PTPRD: variants seen among roughly 807,000 people sequenced by gnomAD.
The protein encoded by PTPRD is protein tyrosine phosphatase receptor type D.
In PTPRD, 34 loss-of-function variants were observed where a neutral mutation model predicts 214.5. The ratio of observed to expected loss-of-function variants is 0.16; its 90% CI spans 0.12 to 0.21. PTPRD has a LOEUF of 0.21. Ranked by LOEUF, PTPRD falls within the 10% of genes least tolerant of loss-of-function variation. PTPRD has a pLI of 1.00. For synonymous variants in PTPRD, 1,128 were observed against 845.7 expected (o/e 1.33, Z -5.79); for missense variants, 2,545 against 2,398.7 (o/e 1.06, Z -1.27).
At chr9:9,282,599 T>C (rs1443520022) in intron 9 of PTPRD, among the ~76,000 whole-genome samples, 1 of 151,420 alleles carries the variant, frequency 6.6e-6, no homozygotes, top group Non-Finnish European at 1.5e-5. Context: ...TTTGCTTTCC[T>C]GAATAGATGG....
chr9:10,234,882 T>G (rs1204479669), intron 3 of PTPRD, among the ~76,000 whole-genome samples: 1 of 151,866 alleles, frequency 6.6e-6, no homozygotes, highest in Non-Finnish European at 1.5e-5. Context: ...CTGCAATTCT[T>G]CTTATATATT....
chr9:8,518,125 C>T lies in PTPRD; in HGVS notation c.1266G>A (p.Arg422=), dbSNP rs2138521597. 1.9e-6 allele frequency: 3 copies of T among 1,614,166 alleles called. No individual in the cohort carries two copies. The highest frequency in any genetic ancestry group is 1.7e-6 in the Non-Finnish European group (2 of 1,180,018). Residue 422 remains arginine (R), a synonymous_variant, in exon 21 of 46, where the codon AGG becomes AGA. Coordinates refer to ENST00000381196, the MANE Select transcript of PTPRD (RefSeq NM_002839.4). ...TSEQAPSSAP[R]DVQARMLSST... ...AACTCAACATTCGTGCCTGGACATC[C>T]CTCGGGGCACTGGATGGTGCTTGCT...
intron 14 of PTPRD, among the ~76,000 whole-genome samples, chr9:8,629,649 G>A (rs987980973): frequency 3.3e-5 from 5 of 151,714 alleles, no homozygotes; most frequent in African/African-American, 1.2e-4. Flanking sequence ...TGCTTAGGAT[G>A]GGAAAACACA....
In PTPRD at chr9:10,133,033, C is replaced by T. The variant is rs1244813596; in HGVS notation, c.-544-99243G>A. ...TACTTGTTCTAGAGGAAGTCAACTTCCATGGCATGAGAACACTCAGGCAGT... is the reference window on the plus strand; with the variant it reads ...TACTTGTTCTAGAGGAAGTCAACTTTCATGGCATGAGAACACTCAGGCAGT... On this transcript the variant is annotated intron_variant, in intron 3 of 45. Transcript: ENST00000381196. Among the ~76,000 whole-genome samples, 6 of 152,140 alleles carry T rather than the reference C, an allele frequency of 3.9e-5. No individual in the cohort carries two copies. The East Asian group carries it at 5.8e-4, about 15-fold the overall frequency.
intron 9 of PTPRD, among the ~76,000 whole-genome samples, chr9:9,331,875 G>A (rs1387914599): frequency 6.6e-6 from 1 of 152,022 alleles, no homozygotes; most frequent in African/African-American, 2.4e-5. Context: ...ATTAGTTCAT[G>A]TTGATATGCC....
Position 9,632,721 on chromosome 9 carries a change from G to A in PTPRD, c.-286-57940C>T, listed in dbSNP as rs765296429. ...CCTGACCTCAAGAATTTTACCAGGTGGTTCAACAGGATGCCTGACAAACTA... is the reference window on the plus strand; with the variant it reads ...CCTGACCTCAAGAATTTTACCAGGTAGTTCAACAGGATGCCTGACAAACTA... On this transcript the variant is annotated intron_variant, in intron 7 of 45. Transcript: ENST00000381196. 7.9e-5 allele frequency among the ~76,000 whole-genome samples: 12 copies of A among 152,158 alleles called. No individual in the cohort carries two copies. The South Asian group carries it at 8.3e-4, about 11-fold the overall frequency.
chr9:9,057,111 A>T (rs1350341845), intron 10 of PTPRD, among the ~76,000 whole-genome samples: 1 of 152,210 alleles, frequency 6.6e-6, no homozygotes. Flanking sequence ...CAAACATATT[A>T]AATAGTTGGC....
chr9:9,418,816 C>A (rs78254142), intron 8 of PTPRD, among the ~76,000 whole-genome samples: 3,063 of 151,890 alleles, frequency 0.02, 59 homozygotes, highest in South Asian at 0.092. Flanking sequence ...TATATTTGAA[C>A]CAGACTGGTT....
intron 4 of PTPRD, among the ~76,000 whole-genome samples, chr9:9,940,971 G>A (rs553612218): frequency 3.9e-5 from 6 of 152,094 alleles, no homozygotes; most frequent in African/African-American, 1.2e-4. Context: ...AGACCTGGGG[G>A]TGGGCAAGCT....
intron 6 of PTPRD, among the ~76,000 whole-genome samples, chr9:9,738,439 C>CTTTTTT (rs71319292): frequency 0.085 from 6,488 of 76,424 alleles, 1,420 homozygotes; most frequent in African/African-American, 0.15. Context: ...CACTCACTCA[C>CTTTTTT]TTTTTTTTTT....
chr9:9,252,051 C>T (rs184299582), intron 9 of PTPRD, among the ~76,000 whole-genome samples: 25 of 152,126 alleles, frequency 1.6e-4, no homozygotes, highest in East Asian at 7.8e-4. Context: ...ACATTTGCCA[C>T]GGGATTTCTT....
chr9:8,491,809 C>CAGG (rs1320658868), intron 27 of PTPRD, among the ~76,000 whole-genome samples: 6 of 152,128 alleles, frequency 3.9e-5, no homozygotes, highest in African/African-American at 1.4e-4. Context: ...GCATGGCACG[C>CAGG]AGGAGGGCAC....
At chr9:10,581,042 G>C (rs2071567133) in intron 2 of PTPRD, among the ~76,000 whole-genome samples, 1 of 152,044 alleles carries the variant, frequency 6.6e-6, no homozygotes, top group Non-Finnish European at 1.5e-5. Flanking sequence ...CCCATTCTTG[G>C]TTCTGCCACT....
At chr9:9,271,550 C>T (rs1367222880) in intron 9 of PTPRD, among the ~76,000 whole-genome samples, 1 of 151,226 alleles carries the variant, frequency 6.6e-6, no homozygotes, top group East Asian at 2.0e-4. Flanking sequence ...TTAAATATAG[C>T]AATTTAATGA....
intron 10 of PTPRD, among the ~76,000 whole-genome samples, chr9:9,099,943 T>A (rs2099789024): frequency 6.6e-6 from 1 of 152,132 alleles, no homozygotes; most frequent in African/African-American, 2.4e-5. Flanking sequence ...CAGGGGAAAA[T>A]CTGTTCCAAT....
intron 11 of PTPRD, among the ~76,000 whole-genome samples, chr9:8,735,935 T>A (rs1417407052): frequency 6.7e-6 from 1 of 149,230 alleles, no homozygotes; most frequent in Non-Finnish European, 1.5e-5. Context: ...AAAAGAAGAT[T>A]CAGACTTTAA....
intron 5 of PTPRD, among the ~76,000 whole-genome samples, chr9:9,832,480 A>G (rs2055211048): frequency 6.6e-6 from 1 of 151,990 alleles, no homozygotes; most frequent in South Asian, 2.1e-4. Context: ...AACTCTAATT[A>G]TTTTCAGGTA....
intron 9 of PTPRD, among the ~76,000 whole-genome samples, chr9:9,235,719 G>T (rs771591260): frequency 1.4e-4 from 21 of 152,272 alleles, no homozygotes; most frequent in African/African-American, 4.6e-4. Context: ...AATGTCAGCT[G>T]TCCCAGATTT....
intron 7 of PTPRD, among the ~76,000 whole-genome samples, chr9:9,610,508 T>C (rs1200683719): frequency 6.6e-6 from 1 of 152,182 alleles, no homozygotes; most frequent in Non-Finnish European, 1.5e-5. Context: ...TGCAATTAAT[T>C]ATATTTTCAT....
Sources: allele counts gnomAD v4.1 joint callset (sites outside exome capture counted in the v4.1 genomes callset), GRCh38; gene constraint gnomAD v4.1.1; transcripts MANE v1.5; gene names NCBI Gene and HGNC (gene_info 2026-07-23, HGNC 2026-07-21).